Variants in RIMS2 observed in about 807,000 individuals in gnomAD.
RIMS2 encodes regulating synaptic membrane exocytosis protein 2.
RIMS2 carries 59 observed loss-of-function variants against 174.4 expected under a neutral mutation model. That is an observed-to-expected ratio of 0.34 (90% CI 0.27 to 0.42). The LOEUF is 0.42. Among genes scored for constraint, RIMS2 ranks in the 10% least tolerant of loss-of-function variants. RIMS2 has a pLI of 1.00. For synonymous variants in RIMS2, 606 were observed against 572.5 expected, an observed-to-expected ratio of 1.06 and a Z score of -0.84; for missense variants, 1,620 against 1,666.3, an observed-to-expected ratio of 0.97 and a Z score of 0.48.
At chr8:103,829,414 A>C (rs2098812087) in intron 3 of RIMS2, among the ~76,000 whole-genome samples, 1 of 152,214 alleles carries the variant, frequency 6.6e-6, no homozygotes, top group Non-Finnish European at 1.5e-5. Context: ...ACCTGCATGC[A>C]TATGTTAATT....
intron 1 of RIMS2, among the ~76,000 whole-genome samples, chr8:103,644,191 T>A (rs2096282150): frequency 6.6e-6 from 1 of 152,100 alleles, no homozygotes; most frequent in African/African-American, 2.4e-5. Flanking sequence ...CCTGAGCCTC[T>A]GGCAATTAAT....
intron 19 of RIMS2, 25 bp downstream of exon 23, chr8:104,068,637 T>C: frequency 8.4e-7 from 1 of 1,185,864 alleles, no homozygotes. Context: ...TTTTTAAAAG[T>C]TGTAAAATAA....
intron 19 of RIMS2, chr8:104,093,493 A>T (rs1295532557): frequency 1.3e-6 from 2 of 1,596,998 alleles, no homozygotes. Context: ...TGGGATCCTC[A>T]TAGAGGGGCA....
chr8:103,597,041 A>T (rs28436259), intron 1 of RIMS2, among the ~76,000 whole-genome samples: 1,771 of 152,290 alleles, frequency 0.012, 32 homozygotes, highest in African/African-American at 0.039. Context: ...AATGATTTGG[A>T]TAACAATGTG....
At chr8:103,852,107 A>G (rs1461849910) in intron 3 of RIMS2, among the ~76,000 whole-genome samples, 4 of 151,994 alleles carry the variant, frequency 2.6e-5, no homozygotes, top group African/African-American at 9.7e-5. Context: ...TGAAGAGGCT[A>G]TTTTAACAGT....
chr8:103,952,116 G>A lies in RIMS2; in HGVS notation c.2702-8949G>A, dbSNP rs184986320. On this transcript the variant is annotated intron_variant, in intron 14 of 23. Transcript: ENST00000504942. Reference sequence around the variant, plus strand: ...GCAGCAGCCCCAGTCAGGGACTTACGGATAAAACCTTCACCTCCCTGGGAC... The same window carrying A: ...GCAGCAGCCCCAGTCAGGGACTTACAGATAAAACCTTCACCTCCCTGGGAC... 5.1e-4 allele frequency among the ~76,000 whole-genome samples: 77 copies of A among 152,302 alleles called. 3 individuals carry two copies. In the East Asian group the frequency reaches 0.011, roughly 23 times the overall value.
At chr8:103,636,392 G>A (rs901222102) in intron 1 of RIMS2, among the ~76,000 whole-genome samples, 2 of 152,102 alleles carry the variant, frequency 1.3e-5, no homozygotes, top group Admixed American at 6.5e-5. Flanking sequence ...CTGCTCTGCC[G>A]AGACTCCATG....
rs73295576 is a variant in RIMS2, at chr8:104,038,724, A to G, written c.3334+24109A>G. Among the ~76,000 whole-genome samples, 461 of 152,042 alleles carry G rather than the reference A, an allele frequency of 3.0e-3. 3 individuals carry two copies. Among genetic ancestry groups the G allele is most frequent in the African/African-American group, 0.01 (419 of 41,560 alleles). The stretch of plus-strand genomic sequence containing the variant: ...GGCTGCTTACGTAAGGGAGTTGACT[A>G]TAAGTTTCTCTTTTAAAATGAGGCT... On this transcript the variant is annotated intron_variant, in intron 19 of 23. Coordinates refer to ENST00000504942, the Ensembl canonical transcript of RIMS2.
intron 2 of RIMS2, among the ~76,000 whole-genome samples, chr8:103,758,777 T>C (rs1457304863): frequency 6.6e-6 from 1 of 152,234 alleles, no homozygotes; most frequent in African/African-American, 2.4e-5. Context: ...GTTAAAAGTT[T>C]AGATTTATAT....
At chr8:103,915,996 T>A (rs893499014) in intron 7 of RIMS2, among the ~76,000 whole-genome samples, 1 of 151,924 alleles carries the variant, frequency 6.6e-6, no homozygotes, top group Non-Finnish European at 1.5e-5. Flanking sequence ...TTAAAGAGGA[T>A]TTGATAATAT....
chr8:103,815,756 T>C (rs1471569936), intron 3 of RIMS2, among the ~76,000 whole-genome samples: 1 of 152,168 alleles, frequency 6.6e-6, no homozygotes, highest in African/African-American at 2.4e-5. Flanking sequence ...ATGAACATAA[T>C]TGTTAGAATT....
At chr8:103,634,716 C>T (rs577118630) in intron 1 of RIMS2, among the ~76,000 whole-genome samples, 9 of 152,254 alleles carry the variant, frequency 5.9e-5, no homozygotes, top group Admixed American at 2.0e-4. Context: ...TGGGTGCATA[C>T]GTATTTACAA....
chr8:103,826,453 G>C (rs1192935894), intron 3 of RIMS2, among the ~76,000 whole-genome samples: 1 of 151,422 alleles, frequency 6.6e-6, no homozygotes, highest in Admixed American at 6.6e-5. Context: ...TGGTTATCCA[G>C]TTATTTCATT....
At chr8:104,159,599 G>C (rs958980174) in intron 19 of RIMS2, among the ~76,000 whole-genome samples, 2 of 151,972 alleles carry the variant, frequency 1.3e-5, no homozygotes, top group Admixed American at 1.3e-4. Context: ...TGTGGGGGTG[G>C]TTTCTGATAA....
chr8:103,605,577 A>T (rs1238819123), intron 1 of RIMS2, among the ~76,000 whole-genome samples: 1 of 151,684 alleles, frequency 6.6e-6, no homozygotes, highest in Non-Finnish European at 1.5e-5. Flanking sequence ...AAGGAATGGT[A>T]CCAGTTCCTC....
intron 3 of RIMS2, among the ~76,000 whole-genome samples, chr8:103,794,499 A>AG: frequency 6.6e-6 from 1 of 152,294 alleles, no homozygotes; most frequent in Middle Eastern, 3.4e-3. Flanking sequence ...AACCTAGGCA[A>AG]TACCATTCAG....
At chr8:103,759,480 G>A (rs1296063528) in intron 2 of RIMS2, among the ~76,000 whole-genome samples, 5 of 150,248 alleles carry the variant, frequency 3.3e-5, no homozygotes, top group African/African-American at 1.2e-4. Context: ...CAGGAGAATG[G>A]CGTGAACCTG....
At chr8:103,896,371 ACT>A (rs1279318080) in intron 4 of RIMS2, among the ~76,000 whole-genome samples, 1 of 151,524 alleles carries the variant, frequency 6.6e-6, no homozygotes, top group African/African-American at 2.4e-5. Flanking sequence ...CTGTGTATGT[ACT>A]CTGGTAGAAG....
chr8:103,970,234 C>G (rs2092710056), intron 15 of RIMS2, among the ~76,000 whole-genome samples: 1 of 152,098 alleles, frequency 6.6e-6, no homozygotes. Flanking sequence ...TCAAGTGGTT[C>G]TCATTTTTTC....
Sources: allele counts gnomAD v4.1 joint callset (sites outside exome capture counted in the v4.1 genomes callset), GRCh38; gene constraint gnomAD v4.1.1; transcripts MANE v1.5; gene names NCBI Gene and HGNC (gene_info 2026-07-23, HGNC 2026-07-21).